Variants in TASP1 observed in about 807,000 individuals in gnomAD.
The protein encoded by TASP1 is taspase 1.
Under a neutral mutation model 56.6 loss-of-function variants are expected in TASP1, and 16 were observed. The ratio of observed to expected loss-of-function variants is 0.28; its 90% CI spans 0.19 to 0.43. The LOEUF (loss-of-function observed/expected upper bound fraction) is 0.43. TASP1 is among the 20% of genes least tolerant of loss of function. TASP1 has a pLI of 1.00. For synonymous variants in TASP1, 179 were observed against 184.2 expected (o/e 0.97, Z 0.23); for missense variants, 393 against 511.6 (o/e 0.77, Z 2.24).
the TASP1 span, among the ~76,000 whole-genome samples, chr20:13,362,809 A>ATATATATATATATATATG: frequency 1.0e-4 from 1 of 9,660 alleles, no homozygotes; most frequent in Non-Finnish European, 1.8e-4. Context: ...ATAGCAAGAA[A>ATATATATATATATATATG]TATATATATA....
chr20:13,590,489 T>C (rs2047482118), intron 4 of TASP1, among the ~76,000 whole-genome samples: 1 of 152,150 alleles, frequency 6.6e-6, no homozygotes, highest in African/African-American at 2.4e-5. Context: ...TAGCTAACAA[T>C]GTTAAACTCG....
At chr20:13,390,787 T>C (rs1256937887) in intron 13 of TASP1, among the ~76,000 whole-genome samples, 1 of 152,216 alleles carries the variant, frequency 6.6e-6, no homozygotes, top group Non-Finnish European at 1.5e-5. Context: ...GCCAGCTCTA[T>C]TGAGTATAGT....
At chr20:13,157,933 C>A in the TASP1 span, among the ~76,000 whole-genome samples, 1 of 152,344 alleles carries the variant, frequency 6.6e-6, no homozygotes. Flanking sequence ...CTCCACATTT[C>A]CTACTATGCA....
chr20:13,531,767 G>A (rs149392127), intron 9 of TASP1, among the ~76,000 whole-genome samples: 466 of 152,212 alleles, frequency 3.1e-3, no homozygotes, highest in African/African-American at 0.011. Context: ...AGGTTCAAGC[G>A]ATTCTCTTGC....
At chr20:13,414,580 G>T (rs2042192188) in intron 13 of TASP1, among the ~76,000 whole-genome samples, 1 of 152,080 alleles carries the variant, frequency 6.6e-6, no homozygotes, top group Non-Finnish European at 1.5e-5. Context: ...TATTATAGCT[G>T]AATAAGTTCC....
chr20:13,272,315 T>G, the TASP1 span, among the ~76,000 whole-genome samples: 3 of 152,194 alleles, frequency 2.0e-5, no homozygotes, highest in Non-Finnish European at 4.4e-5. Flanking sequence ...AACACCAGCA[T>G]CATGGGAGCA....
chr20:13,362,019 G>A, the TASP1 span, among the ~76,000 whole-genome samples: 8 of 148,680 alleles, frequency 5.4e-5, no homozygotes, highest in African/African-American at 1.3e-4. Context: ...TACCACAAAT[G>A]TTTCTTCTAA....
chr20:13,409,334 G>A (rs1220131628), intron 13 of TASP1, among the ~76,000 whole-genome samples: 10 of 151,948 alleles, frequency 6.6e-5, no homozygotes, highest in Non-Finnish European at 1.5e-4. Flanking sequence ...CTGAGAGAAA[G>A]AAGGATGTTA....
chr20:13,131,109 C>A, the TASP1 span, among the ~76,000 whole-genome samples: 3 of 133,470 alleles, frequency 2.2e-5, no homozygotes, highest in Non-Finnish European at 3.2e-5. Context: ...GGAAGGTGAG[C>A]CCCAAACCAC....
chr20:13,287,012 G>T, the TASP1 span, among the ~76,000 whole-genome samples: 89,353 of 152,050 alleles, frequency 0.59, 27,613 homozygotes, highest in African/African-American at 0.8. Context: ...GAGAAAGGGC[G>T]TGGTACCAGA....
the TASP1 span, among the ~76,000 whole-genome samples, chr20:13,310,188 T>C: frequency 7.2e-5 from 11 of 152,152 alleles, no homozygotes; most frequent in Admixed American, 2.6e-4. Flanking sequence ...TGTCAAAATA[T>C]ACTACAAAGG....
intron 4 of TASP1, among the ~76,000 whole-genome samples, chr20:13,596,940 G>T (rs150134557): frequency 7.7e-4 from 117 of 152,242 alleles, no homozygotes; most frequent in Admixed American, 5.8e-3. Flanking sequence ...TAGAAGAAAT[G>T]GATAAATTCC....
the TASP1 span, among the ~76,000 whole-genome samples, chr20:13,132,660 C>T: frequency 3.9e-5 from 6 of 152,294 alleles, no homozygotes; most frequent in African/African-American, 1.4e-4. Context: ...GAATTCTTCT[C>T]GCTATCCCTC....
At chr20:13,359,446 G>A in the TASP1 span, among the ~76,000 whole-genome samples, 5 of 151,752 alleles carry the variant, frequency 3.3e-5, no homozygotes, top group East Asian at 5.8e-4. Flanking sequence ...GACACTGCCC[G>A]ATGGCCTCAG....
chr20:13,529,426 C>A (rs6033749), intron 9 of TASP1, among the ~76,000 whole-genome samples: 90,564 of 151,960 alleles, frequency 0.6, 27,298 homozygotes, highest in Non-Finnish European at 0.64. Flanking sequence ...GCTATCATAG[C>A]AAAATACAAG....
chr20:13,333,242 G>A, the TASP1 span, among the ~76,000 whole-genome samples: 2 of 152,134 alleles, frequency 1.3e-5, no homozygotes, highest in African/African-American at 2.4e-5. Flanking sequence ...CATTTGTTTT[G>A]TTATTCTACC....
At chr20:13,444,560 T>G (rs1167766901) in intron 11 of TASP1, among the ~76,000 whole-genome samples, 3 of 152,164 alleles carry the variant, frequency 2.0e-5, no homozygotes, top group African/African-American at 7.2e-5. Context: ...ATAAATATAT[T>G]ATTTAAATAC....
At chr20:13,615,505 T>TG (rs1390620046) in intron 4 of TASP1, among the ~76,000 whole-genome samples, 1 of 149,428 alleles carries the variant, frequency 6.7e-6, no homozygotes, top group Non-Finnish European at 1.5e-5. Context: ...GAATCTGGTT[T>TG]TTTTTTTTTT....
intron 1 of TASP1, among the ~76,000 whole-genome samples, chr20:13,630,492 C>G (rs546781050): frequency 1.3e-5 from 2 of 151,732 alleles, no homozygotes; most frequent in Non-Finnish European, 2.9e-5. Flanking sequence ...AGTTCGAGAC[C>G]AGCCTGACCA....
Sources: gnomAD v4.1 joint callset for allele counts (sites outside exome capture counted in the v4.1 genomes callset) on GRCh38, gnomAD v4.1.1 for gene constraint, MANE v1.5 for transcripts, NCBI Gene and HGNC (gene_info 2026-07-23, HGNC 2026-07-21) for gene names.